Variants in SUB1 observed in about 807,000 individuals in gnomAD.
The protein encoded by SUB1 is activated RNA polymerase II transcriptional coactivator p15.
In SUB1, 1 loss-of-function variant was observed where a neutral mutation model predicts 16.9. The ratio of observed to expected loss-of-function variants is 0.06; its 90% CI spans 0.02 to 0.28. The LOEUF is 0.28. Ranked by LOEUF, SUB1 falls within the 10% of genes least tolerant of loss-of-function variation. The pLI is 1.00. For synonymous variants in SUB1, 51 were observed against 46.9 expected (o/e 1.09, Z -0.36); for missense variants, 84 against 145.2 (o/e 0.58, Z 2.16).
chr5:32,596,895 T>C (rs536697484), intron 3 of SUB1: 14 of 152,344 alleles, frequency 9.2e-5, no homozygotes, highest in African/African-American at 2.6e-4. Context: ...TAAGCAGATA[T>C]ATAAGATTTT....
At chr5:32,588,149 C>T (rs1020703558) in intron 1 of SUB1, among the ~76,000 whole-genome samples, 1 of 152,146 alleles carries the variant, frequency 6.6e-6, no homozygotes, top group Non-Finnish European at 1.5e-5. Context: ...AATTACATTT[C>T]TTCTGGTTTT....
At chr5:32,589,091 T>C (rs540678019) in intron 2 of SUB1, among the ~76,000 whole-genome samples, 44 of 152,204 alleles carry the variant, frequency 2.9e-4, no homozygotes, top group Admixed American at 1.9e-3. Context: ...TTGTAAAATG[T>C]TAATTTTTTT....
At chr5:32,587,537 GTTC>G (rs1277984036) in intron 1 of SUB1, among the ~76,000 whole-genome samples, 2 of 152,006 alleles carry the variant, frequency 1.3e-5, no homozygotes, top group East Asian at 1.9e-4. Flanking sequence ...CCATAAATAG[GTTC>G]TTCAAATTTT....
chr5:32,590,404 C>T lies in SUB1; in HGVS notation c.73-1159C>T, dbSNP rs150295712. ...TATGGGTTAGCTCTTTTTGAGAATGCGACTTTCTAATAAGCTTTTAAAATA... is the reference window on the plus strand; with the variant it reads ...TATGGGTTAGCTCTTTTTGAGAATGTGACTTTCTAATAAGCTTTTAAAATA... On this transcript the variant is annotated intron_variant, in intron 2 of 4. Transcript: ENST00000265073. Among the ~76,000 whole-genome samples, 604 of 151,560 alleles carry T rather than the reference C, an allele frequency of 4.0e-3. 2 individuals are homozygous for T. The highest frequency in any genetic ancestry group is 6.8e-3 in the Non-Finnish European group (460 of 67,930).
chr5:32,590,926 C>T (rs1738809072), intron 2 of SUB1, among the ~76,000 whole-genome samples: 1 of 151,898 alleles, frequency 6.6e-6, no homozygotes, highest in African/African-American at 2.4e-5. Flanking sequence ...ACCACCACGC[C>T]TGGCTAACTT....
chr5:32,595,949 T>A (rs573055319), intron 3 of SUB1: 2 of 146,410 alleles, frequency 1.4e-5, no homozygotes, highest in East Asian at 2.0e-4. Flanking sequence ...GTTATTTTTA[T>A]ATCTTTTGTG....
At chr5:32,591,843 G>C (rs988743798) in intron 3 of SUB1, among the ~76,000 whole-genome samples, 158 bp downstream of exon 3, 14 of 152,074 alleles carry the variant, frequency 9.2e-5, no homozygotes, top group Non-Finnish European at 1.5e-4. Context: ...AGGATTACAG[G>C]CATCCGCCAC....
At chr5:32,591,476 T>C in intron 2 of SUB1, 87 bp from the exon 3 acceptor site, 2 of 1,448,618 alleles carry the variant, frequency 1.4e-6, no homozygotes, top group Non-Finnish European at 1.8e-6. Context: ...CTTTTGATTG[T>C]TTAAATCTTA....
intron 3 of SUB1, chr5:32,595,874 G>A (rs1290114980): frequency 6.6e-6 from 1 of 151,974 alleles, no homozygotes; most frequent in Non-Finnish European, 1.5e-5. Context: ...GCTCATGGTG[G>A]TTTTACTTTC....
intron 1 of SUB1, among the ~76,000 whole-genome samples, chr5:32,586,855 GT>G (rs1394944898): frequency 4.6e-5 from 7 of 152,192 alleles, no homozygotes; most frequent in Admixed American, 4.6e-4. Context: ...GACATTACCA[GT>G]TAAAATCAGA....
chr5:32,597,788 A>G (rs1330095078), intron 3 of SUB1: 6 of 152,238 alleles, frequency 3.9e-5, no homozygotes, highest in African/African-American at 1.4e-4. Context: ...TAACAGTAAC[A>G]TAAACAGTTA....
chr5:32,593,914 G>T (rs1738892648), intron 3 of SUB1, among the ~76,000 whole-genome samples: 1 of 152,066 alleles, frequency 6.6e-6, no homozygotes, highest in African/African-American at 2.4e-5. Flanking sequence ...GGATGGTCTC[G>T]ATCTCTTGAC....
chr5:32,600,926 A>G lies in SUB1; in HGVS notation c.305-79A>G, dbSNP rs528198188. ...AGCCTAAAGTGGCAATTTTGATAAA[A>G]CAGTATTCTAGTTGGAAGTATGAAA... is the stretch of plus-strand genomic sequence containing the variant. On this transcript the variant is annotated intron_variant, in intron 4 of 4. Transcript: ENST00000265073. 399 of 1,364,272 alleles carry G rather than the reference A, an allele frequency of 2.9e-4. 2 individuals are homozygous for G. Among genetic ancestry groups the G allele is most frequent in the South Asian group, 2.6e-3 (222 of 84,464 alleles). 84.5% of individuals were successfully genotyped at this position (1,364,272 alleles called of 1,614,324 possible).
At chr5:32,593,164 C>T (rs1738874029) in intron 3 of SUB1, among the ~76,000 whole-genome samples, 1 of 152,082 alleles carries the variant, frequency 6.6e-6, no homozygotes, top group African/African-American at 2.4e-5. Context: ...AGGCAATGCT[C>T]CATGACGCCT....
At chr5:32,598,748 A>C in intron 3 of SUB1, 1 of 382,380 alleles carries the variant, frequency 2.6e-6, no homozygotes, top group East Asian at 4.3e-5. Flanking sequence ...CAAATTGTCA[A>C]GTCTGCAAAA....
At chr5:32,596,607 A>G (rs1028540076) in intron 3 of SUB1, 1 of 152,118 alleles carries the variant, frequency 6.6e-6, no homozygotes, top group African/African-American at 2.4e-5. Context: ...CCCACCCCAA[A>G]TGCAGATAGC....
In SUB1 at chr5:32,601,023, A is replaced by T. The variant is rs1739102172; in HGVS notation, c.323A>T (p.Glu108Val). The change falls in exon 5 of 5, where the codon GAA becomes GTA. Residue 108 changes from glutamate to valine, a missense_variant. Physicochemically the swap from Glu to Val is moderately radical, Grantham distance 121. Coordinates refer to ENST00000265073, the MANE Select transcript of SUB1 (RefSeq NM_006713.4). ...GTTTTAGGTATTTCTTTAAATCCAG[A>T]ACAATGGAGCCAGCTGAAGGAACAG... ...PGRKGISLNPEQWSQLKEQIS... is the reference protein window; with the variant it reads ...PGRKGISLNPVQWSQLKEQIS... 2 of 1,612,508 alleles carry T rather than the reference A, an allele frequency of 1.2e-6. No homozygotes were observed. Among genetic ancestry groups the T allele is most frequent in the African/African-American group, 1.3e-5 (1 of 74,884 alleles).
At chr5:32,595,595 C>T (rs1226850672) in intron 3 of SUB1, 1 of 152,194 alleles carries the variant, frequency 6.6e-6, no homozygotes, top group East Asian at 1.9e-4. Context: ...AAGTCTTGGG[C>T]TATTAGGAAT....
At chr5:32,599,686 G>C (rs951410668) in intron 4 of SUB1, among the ~76,000 whole-genome samples, 2 of 149,084 alleles carry the variant, frequency 1.3e-5, no homozygotes, top group African/African-American at 4.9e-5. Context: ...GGTACCACTT[G>C]TTTGCTTCAT....
Sources: allele counts gnomAD v4.1 joint callset (sites outside exome capture counted in the v4.1 genomes callset), GRCh38; gene constraint gnomAD v4.1.1; transcripts MANE v1.5; gene names NCBI Gene and HGNC (gene_info 2026-07-23, HGNC 2026-07-21).